Variants in EPB41L4A observed in about 807,000 individuals in gnomAD.
EPB41L4A encodes erythrocyte membrane protein band 4.1 like 4A.
A neutral mutation model predicts 108.6 loss-of-function variants in EPB41L4A; 100 were observed. That is an observed-to-expected ratio of 0.92 (90% CI 0.78 to 1.09). The LOEUF is 1.09. Among genes scored for constraint, EPB41L4A ranks in the 50% least tolerant of loss-of-function variants. EPB41L4A has a pLI of 0.00. For synonymous variants in EPB41L4A, 319 were observed against 289.0 expected, an observed-to-expected ratio of 1.10 and a Z score of -1.05; for missense variants, 1,030 against 842.7, an observed-to-expected ratio of 1.22 and a Z score of -2.75.
intron 1 of EPB41L4A, among the ~76,000 whole-genome samples, chr5:112,339,556 CAG>C (rs1757174743): frequency 8.5e-6 from 1 of 117,038 alleles, no homozygotes; most frequent in South Asian, 2.6e-4. Context: ...TTTTTTTAGA[CAG>C]AGTCTCATTC....
intron 1 of EPB41L4A, among the ~76,000 whole-genome samples, chr5:112,337,400 T>G (rs892120726): frequency 6.6e-6 from 1 of 152,192 alleles, no homozygotes; most frequent in Non-Finnish European, 1.5e-5. Flanking sequence ...TGTTAAGCAC[T>G]GTTTTATCAG....
chr5:112,221,662 A>AT (rs1276739558), intron 12 of EPB41L4A, among the ~76,000 whole-genome samples: 1 of 152,104 alleles, frequency 6.6e-6, no homozygotes, highest in Non-Finnish European at 1.5e-5. Flanking sequence ...GCTTTATTCC[A>AT]TTTTCTGTGC....
At chr5:112,260,868 C>T (rs1285945127) in intron 7 of EPB41L4A, among the ~76,000 whole-genome samples, 1 of 152,182 alleles carries the variant, frequency 6.6e-6, no homozygotes. Flanking sequence ...CCTGCCAATG[C>T]CCACTTTCAG....
intron 9 of EPB41L4A, among the ~76,000 whole-genome samples, chr5:112,245,502 T>G (rs1290639985): frequency 2.0e-5 from 3 of 152,198 alleles, no homozygotes; most frequent in African/African-American, 7.2e-5. Context: ...AAAGCCAACA[T>G]GCACACATTA....
intron 1 of EPB41L4A, among the ~76,000 whole-genome samples, chr5:112,321,979 C>G (rs775987910): frequency 6.6e-6 from 1 of 152,160 alleles, no homozygotes; most frequent in Admixed American, 6.5e-5. Flanking sequence ...GCTTCATTAA[C>G]ATTTTTATGT....
rs113431148 is a variant in EPB41L4A, at chr5:112,312,859, A to G, written c.100-5369T>C. On this transcript the variant is annotated intron_variant, in intron 1 of 22. Coordinates refer to ENST00000261486, the MANE Select transcript of EPB41L4A (RefSeq NM_022140.5). ...GGCCAATATTTTGCAGTTCAGGTGTAAAGTCTTCAGGTCCAGAAGAAATCA... is the reference window on the plus strand; with the variant it reads ...GGCCAATATTTTGCAGTTCAGGTGTGAAGTCTTCAGGTCCAGAAGAAATCA... 5.9e-3 allele frequency among the ~76,000 whole-genome samples: 904 copies of G among 152,324 alleles called. 7 individuals are homozygous for G. Among genetic ancestry groups the G allele is most frequent in the African/African-American group, 0.02 (852 of 41,564 alleles).
intron 9 of EPB41L4A, among the ~76,000 whole-genome samples, chr5:112,242,295 C>G (rs1749848563): frequency 6.6e-6 from 1 of 152,142 alleles, no homozygotes; most frequent in African/African-American, 2.4e-5. Flanking sequence ...TATTTTAAAT[C>G]CTTTGTTGTC....
At chr5:112,215,489 G>A (rs779254320) in intron 12 of EPB41L4A, among the ~76,000 whole-genome samples, 39 of 152,082 alleles carry the variant, frequency 2.6e-4, no homozygotes, top group Admixed American at 1.3e-4. Flanking sequence ...TTGCTCGGGC[G>A]CGGTGGCTCA....
At chr5:112,205,350 T>C (rs1216363837) in intron 14 of EPB41L4A, 71 bp downstream of exon 14, 1 of 1,308,644 alleles carries the variant, frequency 7.6e-7, no homozygotes, top group African/African-American at 1.5e-5. Flanking sequence ...GCTGGATTCC[T>C]TTATTCAATG....
intron 1 of EPB41L4A, among the ~76,000 whole-genome samples, chr5:112,364,355 G>C (rs1758984444): frequency 6.6e-6 from 1 of 152,150 alleles, no homozygotes; most frequent in South Asian, 2.1e-4. Context: ...TATTTGTTAT[G>C]TGTAAAACAT....
At chr5:112,206,316 T>C (rs540670617) in intron 13 of EPB41L4A, among the ~76,000 whole-genome samples, 1 of 151,076 alleles carries the variant, frequency 6.6e-6, no homozygotes, top group Admixed American at 6.6e-5. Context: ...CATAGAGGAG[T>C]ACTTTGTAAC....
chr5:112,414,091 G>A (rs773829236), intron 1 of EPB41L4A, among the ~76,000 whole-genome samples: 10 of 152,270 alleles, frequency 6.6e-5, no homozygotes, highest in African/African-American at 2.2e-4. Context: ...AGTAATTAGC[G>A]GTGCCAAAAT....
At chr5:112,339,361 G>C (rs1351942367) in intron 1 of EPB41L4A, among the ~76,000 whole-genome samples, 5 of 151,768 alleles carry the variant, frequency 3.3e-5, no homozygotes, top group African/African-American at 1.2e-4. Flanking sequence ...ATACAGTGGA[G>C]AGTCAAAGTT....
chr5:112,239,401 T>C (rs1749608623), intron 11 of EPB41L4A, among the ~76,000 whole-genome samples: 1 of 152,168 alleles, frequency 6.6e-6, no homozygotes, highest in Non-Finnish European at 1.5e-5. Context: ...GATAACTGTG[T>C]CAAAATGAAT....
At chr5:112,227,541 A>G (rs1045369174) in intron 12 of EPB41L4A, among the ~76,000 whole-genome samples, 2 of 152,186 alleles carry the variant, frequency 1.3e-5, no homozygotes, top group African/African-American at 4.8e-5. Context: ...AAGTGACTTT[A>G]TAATATTACA....
intron 1 of EPB41L4A, among the ~76,000 whole-genome samples, chr5:112,322,385 A>G (rs1755839413): frequency 6.6e-6 from 1 of 152,184 alleles, no homozygotes; most frequent in Non-Finnish European, 1.5e-5. Context: ...CTAAAGTTTG[A>G]GTATGAGGCC....
intron 1 of EPB41L4A, among the ~76,000 whole-genome samples, chr5:112,415,433 T>C (rs1762658548): frequency 6.6e-6 from 1 of 152,212 alleles, no homozygotes; most frequent in Admixed American, 6.5e-5. Context: ...ACATTCATCA[T>C]GCTACTCAGA....
intron 1 of EPB41L4A, among the ~76,000 whole-genome samples, chr5:112,352,470 A>G (rs1030394630): frequency 2.0e-5 from 3 of 152,202 alleles, no homozygotes; most frequent in Non-Finnish European, 4.4e-5. Flanking sequence ...CTAAGAAGAT[A>G]TATGATATAA....
chr5:112,262,323 C>T (rs1210303660), intron 7 of EPB41L4A, among the ~76,000 whole-genome samples, 171 bp downstream of exon 7: 2 of 152,120 alleles, frequency 1.3e-5, no homozygotes, highest in Admixed American at 1.3e-4. Context: ...TTATGCAAAA[C>T]TCATTAGGGT....
Sources: allele counts gnomAD v4.1 joint callset (sites outside exome capture counted in the v4.1 genomes callset), GRCh38; gene constraint gnomAD v4.1.1; transcripts MANE v1.5; gene names NCBI Gene and HGNC (gene_info 2026-07-23, HGNC 2026-07-21).